Variants in FHIT observed in about 807,000 individuals in gnomAD.
The protein encoded by FHIT is fragile histidine triad diadenosine triphosphatase.
A neutral mutation model predicts 17.9 loss-of-function variants in FHIT; 19 were observed. The observed-to-expected ratio is 1.06, with a 90% CI of 0.74 to 1.56. The LOEUF is 1.56. Among genes scored for constraint, FHIT ranks in the 40% most tolerant of loss-of-function variants. The pLI is 0.00. For synonymous variants in FHIT, 81 were observed against 69.7 expected, an observed-to-expected ratio of 1.16 and a Z score of -0.81; for missense variants, 248 against 189.2, an observed-to-expected ratio of 1.31 and a Z score of -1.82.
chr3:60,029,309 G>A (rs77554987), intron 5 of FHIT, among the ~76,000 whole-genome samples: 2,575 of 152,290 alleles, frequency 0.017, 91 homozygotes, highest in African/African-American at 0.059. Flanking sequence ...TGCTGTATAA[G>A]ATGAGGGGTA....
At chr3:60,252,716 C>T (rs1468579752) in intron 5 of FHIT, among the ~76,000 whole-genome samples, 16 of 152,032 alleles carry the variant, frequency 1.1e-4, no homozygotes, top group Admixed American at 4.6e-4. Flanking sequence ...CTGGGCTGGG[C>T]GCGGTGGCTC....
At chr3:60,580,673 T>A (rs113818585) in intron 4 of FHIT, among the ~76,000 whole-genome samples, 11 of 152,212 alleles carry the variant, frequency 7.2e-5, no homozygotes, top group African/African-American at 2.4e-4. Context: ...AATCCCAAGT[T>A]TGAGTACTGT....
intron 5 of FHIT, among the ~76,000 whole-genome samples, chr3:60,395,638 A>G (rs1361868641): frequency 1.3e-5 from 2 of 152,160 alleles, no homozygotes; most frequent in African/African-American, 4.8e-5. Context: ...AAAGGTTTTT[A>G]AAAGGAAGAA....
chr3:61,005,382 T>C (rs2031375022), intron 3 of FHIT, among the ~76,000 whole-genome samples: 1 of 152,098 alleles, frequency 6.6e-6, no homozygotes, highest in Non-Finnish European at 1.5e-5. Flanking sequence ...CTATATATGA[T>C]GATGAGGAGG....
intron 5 of FHIT, among the ~76,000 whole-genome samples, chr3:60,176,653 A>G (rs1701686644): frequency 1.3e-5 from 2 of 152,114 alleles, no homozygotes; most frequent in African/African-American, 4.8e-5. Context: ...AAAAAAGCTC[A>G]TCGAGGGCTG....
intron 3 of FHIT, among the ~76,000 whole-genome samples, chr3:60,850,337 C>G (rs1293623367): frequency 2.1e-5 from 2 of 97,024 alleles, no homozygotes; most frequent in African/African-American, 7.5e-5. Context: ...CTCTCTCTCT[C>G]TCTCTCTCTC....
chr3:61,051,085 T>C (rs2034008139), intron 2 of FHIT, among the ~76,000 whole-genome samples: 1 of 152,126 alleles, frequency 6.6e-6, no homozygotes, highest in African/African-American at 2.4e-5. Context: ...AATTATGACA[T>C]ATATCCCAAT....
intron 1 of FHIT, among the ~76,000 whole-genome samples, chr3:61,222,178 C>T (rs545546861): frequency 6.6e-6 from 1 of 152,302 alleles, no homozygotes; most frequent in African/African-American, 2.4e-5. Flanking sequence ...TCAGAGCAGA[C>T]CAAAGTTCAT....
At chr3:60,608,649 T>C (rs1392881944) in intron 4 of FHIT, among the ~76,000 whole-genome samples, 3 of 152,174 alleles carry the variant, frequency 2.0e-5, no homozygotes, top group Non-Finnish European at 4.4e-5. Context: ...ATTACAACAA[T>C]ACTGCAAGGT....
intron 5 of FHIT, among the ~76,000 whole-genome samples, chr3:60,422,844 A>C (rs962119850): frequency 6.6e-6 from 1 of 152,088 alleles, no homozygotes; most frequent in African/African-American, 2.4e-5. Flanking sequence ...CAAATTCTTC[A>C]ACCTAGTTTA....
intron 5 of FHIT, among the ~76,000 whole-genome samples, chr3:60,311,622 T>G (rs528974006): frequency 6.6e-6 from 1 of 152,360 alleles, no homozygotes; most frequent in African/African-American, 2.4e-5. Flanking sequence ...GTATTTTGTT[T>G]GTCTAAAATA....
At chr3:60,104,145 T>C (rs1704307431) in intron 5 of FHIT, among the ~76,000 whole-genome samples, 1 of 152,198 alleles carries the variant, frequency 6.6e-6, no homozygotes, top group Non-Finnish European at 1.5e-5. Context: ...AAAAAAGTCC[T>C]ATCAAACCAG....
intron 4 of FHIT, among the ~76,000 whole-genome samples, chr3:60,789,047 A>T (rs987906070): frequency 2.6e-5 from 4 of 151,630 alleles, no homozygotes; most frequent in Non-Finnish European, 4.4e-5. Context: ...CACAGGCAGA[A>T]AACTGAGAGT....
chr3:60,997,691 T>C (rs1422881583), intron 3 of FHIT, among the ~76,000 whole-genome samples: 1 of 152,212 alleles, frequency 6.6e-6, no homozygotes, highest in Non-Finnish European at 1.5e-5. Context: ...AGCCTGATAC[T>C]AGCCCTTGGT....
At chr3:59,821,453 G>C (rs1700785006) in intron 8 of FHIT, among the ~76,000 whole-genome samples, 1 of 152,204 alleles carries the variant, frequency 6.6e-6, no homozygotes, top group African/African-American at 2.4e-5. Flanking sequence ...GACAGCTGCA[G>C]TTTTGCCTCT....
intron 4 of FHIT, among the ~76,000 whole-genome samples, chr3:60,636,411 C>G (rs17670946): frequency 0.11 from 17,084 of 151,828 alleles, 1,175 homozygotes; most frequent in Non-Finnish European, 0.15. Context: ...CAACAAGATC[C>G]TCAAGGTTAC....
At chr3:60,435,826 C>A (rs776698291) in intron 5 of FHIT, among the ~76,000 whole-genome samples, 6 of 152,058 alleles carry the variant, frequency 3.9e-5, no homozygotes, top group Admixed American at 6.6e-5. Context: ...GTTCTGACAA[C>A]AGGCCCCAGT....
At chr3:60,916,884 G>T (rs1421494703) in intron 3 of FHIT, among the ~76,000 whole-genome samples, 1 of 152,110 alleles carries the variant, frequency 6.6e-6, no homozygotes, top group Admixed American at 6.5e-5. Context: ...AAAAGGAAGA[G>T]AATACAGAAT....
chr3:60,839,811 A>G (rs1553744589), intron 3 of FHIT, among the ~76,000 whole-genome samples: 1 of 152,214 alleles, frequency 6.6e-6, no homozygotes, highest in Non-Finnish European at 1.5e-5. Context: ...CTGCATTTAC[A>G]TAACTGCTAT....
Sources: gnomAD v4.1 joint callset for allele counts (sites outside exome capture counted in the v4.1 genomes callset) on GRCh38, gnomAD v4.1.1 for gene constraint, MANE v1.5 for transcripts, NCBI Gene and HGNC (gene_info 2026-07-23, HGNC 2026-07-21) for gene names.